Variants in IRS1 observed in about 807,000 individuals in gnomAD.
The protein encoded by IRS1 is insulin receptor substrate 1.
A neutral mutation model predicts 65.6 loss-of-function variants in IRS1; 34 were observed. The ratio of observed to expected loss-of-function variants is 0.52; its 90% CI spans 0.39 to 0.69. The LOEUF (loss-of-function observed/expected upper bound fraction) is 0.69. IRS1 is among the 30% of genes least tolerant of loss of function. The pLI is 0.00. For missense variants in IRS1, 1,641 were observed against 1,720.2 expected, an observed-to-expected ratio of 0.95 and a Z score of 0.81; for synonymous variants, 699 against 683.5, an observed-to-expected ratio of 1.02 and a Z score of -0.35.
intron 1 of IRS1, among the ~76,000 whole-genome samples, chr2:226,780,530 C>G (rs1939360299): frequency 6.6e-6 from 1 of 152,088 alleles, no homozygotes; most frequent in Admixed American, 6.5e-5. Flanking sequence ...TGACCTAGAT[C>G]AGTAAGCTAC....
At chr2:226,770,633 TACA>T (rs1356595545) in intron 1 of IRS1, among the ~76,000 whole-genome samples, 1 of 152,238 alleles carries the variant, frequency 6.6e-6, no homozygotes, top group Non-Finnish European at 1.5e-5. Context: ...AACATATATG[TACA>T]ACATGTTGTA....
intron 1 of IRS1, among the ~76,000 whole-genome samples, chr2:226,776,773 G>A (rs1186254941): frequency 6.6e-6 from 1 of 152,128 alleles, no homozygotes; most frequent in Non-Finnish European, 1.5e-5. Context: ...CTGGCATGGT[G>A]GCGCACACCC....
intron 1 of IRS1, among the ~76,000 whole-genome samples, chr2:226,778,532 A>C (rs546334141): frequency 6.8e-4 from 104 of 152,326 alleles, no homozygotes; most frequent in Non-Finnish European, 1.1e-3. Context: ...ATAGTTTTCT[A>C]ACAGAATTTA....
intron 1 of IRS1, among the ~76,000 whole-genome samples, chr2:226,773,523 C>A (rs181727790): frequency 6.7e-6 from 1 of 149,820 alleles, no homozygotes; most frequent in African/African-American, 2.5e-5. Flanking sequence ...CAAGCTGAGA[C>A]AATTTCGGTG....
intron 1 of IRS1, among the ~76,000 whole-genome samples, chr2:226,740,625 G>A (rs1198286489): frequency 1.3e-5 from 2 of 152,154 alleles, no homozygotes; most frequent in African/African-American, 2.4e-5. Context: ...CAGAACAATT[G>A]ACAAATGTTT....
At chr2:226,742,100 T>C (rs985870812) in intron 1 of IRS1, among the ~76,000 whole-genome samples, 1 of 152,120 alleles carries the variant, frequency 6.6e-6, no homozygotes, top group Non-Finnish European at 1.5e-5. Context: ...ATATTGCTGA[T>C]ACAAAAAGAA....
At chr2:226,742,726 A>AAAAG (rs1431863272) in intron 1 of IRS1, among the ~76,000 whole-genome samples, 3 of 147,900 alleles carry the variant, frequency 2.0e-5, no homozygotes, top group East Asian at 4.3e-4. Context: ...AAAAAAAAAA[A>AAAAG]AGAAGACCGA....
chr2:226,790,848 TACACAACAC>T (rs1939578070), intron 1 of IRS1, among the ~76,000 whole-genome samples: 1 of 152,084 alleles, frequency 6.6e-6, no homozygotes, highest in Admixed American at 6.5e-5. Context: ...TACTGGAGGG[TACACAACAC>T]AAATCTAGCA....
chr2:226,759,565 T>G (rs1228667457), intron 1 of IRS1, among the ~76,000 whole-genome samples: 2 of 152,222 alleles, frequency 1.3e-5, no homozygotes, highest in African/African-American at 4.8e-5. Context: ...CAAATTTATT[T>G]TCTCACTAAA....
rs1360437465 is a variant in IRS1, at chr2:226,731,780, C to T, written c.*4492G>A. The T allele has an allele frequency of 2.0e-5, 3 of 151,206 alleles. No individual in the cohort carries two copies. In the South Asian group the frequency reaches 6.3e-4, roughly 32 times the overall value. 9.4% of individuals were successfully genotyped at this position (151,206 alleles called of 1,614,324 possible). A position where few individuals can be genotyped will look rare whatever the true frequency, so the allele number is the denominator to read the frequency against. On this transcript the variant is annotated 3_prime_UTR_variant, in exon 2 of 2. Coordinates refer to ENST00000305123, the MANE Select transcript of IRS1 (RefSeq NM_005544.3). Reference sequence around the variant, plus strand: ...CAAGAGGTGTAAGGAAAGTACTTTGCAAGAAAAAATTGTTTTGGGAACTAC... The same window carrying T: ...CAAGAGGTGTAAGGAAAGTACTTTGTAAGAAAAAATTGTTTTGGGAACTAC...
chr2:226,735,493 T>A lies in IRS1; in HGVS notation c.*779A>T, dbSNP rs1306752600. 1 of 152,448 alleles carries A rather than the reference T, an allele frequency of 6.6e-6. No individual in the cohort carries two copies. Among genetic ancestry groups the A allele is most frequent in the Non-Finnish European group, 1.5e-5 (1 of 68,006 alleles). The allele number at this position is 152,448 out of a possible 1,614,324, so 9.4% of individuals were successfully genotyped here. A position where few individuals can be genotyped will look rare whatever the true frequency, so the allele number is the denominator to read the frequency against. On this transcript the variant is annotated 3_prime_UTR_variant, in exon 2 of 2. Transcript: ENST00000305123. Reference sequence around the variant, plus strand: ...TGGCCTATTGTCTTACAGGAAAAAATACAAAATTAAGATTAATTCTTATAA... The same window carrying A: ...TGGCCTATTGTCTTACAGGAAAAAAAACAAAATTAAGATTAATTCTTATAA...
At chr2:226,763,461 T>C (rs1938961528) in intron 1 of IRS1, among the ~76,000 whole-genome samples, 2 of 152,182 alleles carry the variant, frequency 1.3e-5, no homozygotes, top group South Asian at 4.1e-4. Context: ...CAGATCCTGG[T>C]GGTTACCCCC....
Position 226,732,491 on chromosome 2 carries a change from T to G in IRS1, c.*3781A>C, listed in dbSNP as rs12620057. The G allele has an allele frequency of 2.7e-5, 4 of 145,684 alleles. No individual in the cohort carries two copies. Among genetic ancestry groups the G allele is most frequent in the Non-Finnish European group, 6.0e-5 (4 of 66,754 alleles). 9.0% of individuals were successfully genotyped at this position (145,684 alleles called of 1,614,324 possible). On this transcript the variant is annotated 3_prime_UTR_variant, in exon 2 of 2. Transcript: ENST00000305123. ...ATCTATATATATATATATATATATA[T>G]ACACACACACACATATGTGTATCTA...
At position 226,795,102 on chromosome 2, in the gene IRS1, T is replaced by A. The variant is rs1164639952; in HGVS notation, c.3637A>T (p.Ser1213Cys). ...PPPPPHQPLG[S>C]GESSSTRRSS... ...CGGCGGGTGGAGCTGCTCTCACCGCTGCCCAGGGGTTGATGAGGGGGTGGG... is the reference window on the plus strand; with the variant it reads ...CGGCGGGTGGAGCTGCTCTCACCGCAGCCCAGGGGTTGATGAGGGGGTGGG... The change falls in exon 1 of 2, where the codon AGC (serine) becomes TGC (cysteine). Residue 1213 changes from serine (S) to cysteine (C), a missense_variant. By Grantham distance (112) the Ser-to-Cys change is moderately radical. Around this residue, in one of 3 missense-constraint regions of IRS1, gnomAD observed 1,324 missense variants for 1,361.0 expected, o/e 0.97. Coordinates refer to ENST00000305123, the MANE Select transcript of IRS1 (RefSeq NM_005544.3). 2 of 1,043,284 alleles carry A rather than the reference T, an allele frequency of 1.9e-6. No individual in the cohort carries two copies. The highest frequency in any genetic ancestry group is 4.4e-5 in the Admixed American group (2 of 45,348). 64.6% of individuals were successfully genotyped at this position (1,043,284 alleles called of 1,614,324 possible).
chr2:226,739,943 T>C (rs572823949), intron 1 of IRS1, among the ~76,000 whole-genome samples: 15 of 152,258 alleles, frequency 9.9e-5, no homozygotes, highest in Non-Finnish European at 2.1e-4. Context: ...AAAGCCCGCA[T>C]AGGCGTACAT....
chr2:226,785,986 A>G (rs1000033144), intron 1 of IRS1, among the ~76,000 whole-genome samples: 2 of 147,254 alleles, frequency 1.4e-5, no homozygotes, highest in East Asian at 4.1e-4. Context: ...GAGTGAGAAC[A>G]TGCGGTGTTT....
Position 226,787,207 on chromosome 2 carries a change from T to G in IRS1, c.*21+7782A>C, listed in dbSNP as rs555469073. Among the ~76,000 whole-genome samples the G allele has an allele frequency of 1.1e-4, 17 of 152,256 alleles. No individual in the cohort carries two copies. In the East Asian group the frequency reaches 2.7e-3, roughly 24 times the overall value. ...AGCAAAGATATCTTTTTTCCTGCTT[T>G]TTGTCAATATTATGTTTGCAAGCTT... On this transcript the variant is annotated intron_variant, in intron 1 of 1. Transcript: ENST00000305123.
At chr2:226,788,653 G>A (rs1939532340) in intron 1 of IRS1, among the ~76,000 whole-genome samples, 1 of 152,050 alleles carries the variant, frequency 6.6e-6, no homozygotes. Flanking sequence ...CAAAGTATAA[G>A]ACAAAAATAG....
intron 1 of IRS1, among the ~76,000 whole-genome samples, chr2:226,773,686 C>T (rs1449884654): frequency 6.6e-6 from 1 of 151,888 alleles, no homozygotes; most frequent in Non-Finnish European, 1.5e-5. Context: ...TTTTGCATCT[C>T]GGTCCTTAAA....
Sources: allele counts gnomAD v4.1 joint callset (sites outside exome capture counted in the v4.1 genomes callset), GRCh38; gene constraint gnomAD v4.1.1; regional missense constraint gnomAD v4.1.1; transcripts MANE v1.5; gene names NCBI Gene and HGNC (gene_info 2026-07-23, HGNC 2026-07-21).